Variants in MAST4 observed in about 807,000 individuals in gnomAD.
MAST4 encodes the protein microtubule associated serine/threonine kinase family member 4.
MAST4 carries 89 observed loss-of-function variants against 162.7 expected under a neutral mutation model. The observed-to-expected ratio is 0.55, with a 90% CI of 0.46 to 0.65. The LOEUF (loss-of-function observed/expected upper bound fraction) is 0.65, where lower values mean the gene tolerates loss of function less well. Ranked by LOEUF, MAST4 falls within the 30% of genes least tolerant of loss-of-function variation. The pLI, the probability that MAST4 is intolerant of heterozygous loss-of-function variation, is 0.00. For synonymous variants in MAST4, 1,479 were observed against 1,361.1 expected, an observed-to-expected ratio of 1.09 and a Z score of -1.91; for missense variants, 3,153 against 3,374.0, an observed-to-expected ratio of 0.93 and a Z score of 1.62.
intron 3 of MAST4, among the ~76,000 whole-genome samples, chr5:66,802,951 C>T (rs1425115127): frequency 6.6e-6 from 1 of 152,102 alleles, no homozygotes; most frequent in Non-Finnish European, 1.5e-5. Flanking sequence ...CTTTGCTTTG[C>T]TTTATTAACT....
chr5:67,076,817 A>G (rs1413935892), intron 5 of MAST4, among the ~76,000 whole-genome samples: 1 of 152,200 alleles, frequency 6.6e-6, no homozygotes, highest in Non-Finnish European at 1.5e-5. Flanking sequence ...TATAGTGGTT[A>G]TTAAAGTGAT....
chr5:66,935,632 T>C (rs1159945853), intron 4 of MAST4, among the ~76,000 whole-genome samples: 1 of 152,040 alleles, frequency 6.6e-6, no homozygotes, highest in Non-Finnish European at 1.5e-5. Flanking sequence ...TCCTCAGTTG[T>C]CAGATGCTTC....
intron 4 of MAST4, among the ~76,000 whole-genome samples, chr5:66,921,933 T>C (rs1764566678): frequency 6.6e-6 from 1 of 152,194 alleles, no homozygotes. Context: ...TTCATGTATT[T>C]GGTAAGATGG....
At chr5:67,054,173 T>C (rs1758519733) in intron 4 of MAST4, among the ~76,000 whole-genome samples, 1 of 152,226 alleles carries the variant, frequency 6.6e-6, no homozygotes, top group Non-Finnish European at 1.5e-5. Context: ...TGATTATTGC[T>C]CCACTGGTGG....
intron 26 of MAST4, among the ~76,000 whole-genome samples, chr5:67,156,829 G>A (rs560835153): frequency 2.6e-5 from 4 of 152,272 alleles, no homozygotes; most frequent in Admixed American, 6.5e-5. Flanking sequence ...GCAGTCGTTC[G>A]GTGAGTTACC....
At chr5:66,975,384 G>A (rs1298222549) in intron 4 of MAST4, among the ~76,000 whole-genome samples, 1 of 152,160 alleles carries the variant, frequency 6.6e-6, no homozygotes, top group Non-Finnish European at 1.5e-5. Context: ...GGACAGTGTG[G>A]TGAGCACTTT....
intron 4 of MAST4, among the ~76,000 whole-genome samples, chr5:67,044,239 G>T (rs1757104226): frequency 6.6e-6 from 1 of 152,088 alleles, no homozygotes; most frequent in African/African-American, 2.4e-5. Flanking sequence ...TCTTTGGGCT[G>T]TTGTACTAAT....
chr5:67,056,253 A>G (rs1232619141), intron 5 of MAST4, among the ~76,000 whole-genome samples: 1 of 152,052 alleles, frequency 6.6e-6, no homozygotes, highest in Non-Finnish European at 1.5e-5. Flanking sequence ...CATTACTTCT[A>G]TTACTACCAT....
intron 5 of MAST4, among the ~76,000 whole-genome samples, chr5:67,058,159 G>A (rs1759089463): frequency 6.6e-6 from 1 of 152,094 alleles, no homozygotes; most frequent in Non-Finnish European, 1.5e-5. Flanking sequence ...CGCCTGAGCT[G>A]GGGAGATCTA....
At chr5:66,783,290 A>C (rs983636761) in intron 2 of MAST4, 2 of 152,120 alleles carry the variant, frequency 1.3e-5, no homozygotes, top group African/African-American at 4.8e-5. Context: ...CTTATTTTTT[A>C]AGCTTATATT....
intron 5 of MAST4, among the ~76,000 whole-genome samples, chr5:67,072,258 G>A (rs937534710): frequency 1.3e-5 from 2 of 152,192 alleles, no homozygotes; most frequent in African/African-American, 2.4e-5. Flanking sequence ...TTCTAAGAGT[G>A]CTGATTAGTT....
Position 67,152,810 on chromosome 5 carries a change from G to A in MAST4, c.3469G>A (p.Ala1157Thr). Residue 1157 changes from alanine to threonine, a missense_variant, in exon 25 of 29, where the codon GCC (alanine) becomes ACC (threonine). Physicochemically the swap from Ala to Thr is moderately conservative, Grantham distance 58 (BLOSUM62 0). Coordinates refer to ENST00000403625, the MANE Select transcript of MAST4 (RefSeq NM_001164664.2). The stretch of plus-strand genomic sequence containing the variant: ...GAAGAACTACGGCTTTACCATCCGA[G>A]CCATCCGGGTGTATGTGGGAGACAG... Reference protein sequence around the residue: ...SGKNYGFTIRAIRVYVGDSDI... With the variant: ...SGKNYGFTIRTIRVYVGDSDI... The A allele has an allele frequency of 6.2e-7, 1 of 1,614,050 alleles. No homozygotes were observed. Among genetic ancestry groups the A allele is most frequent in the Non-Finnish European group, 8.5e-7 (1 of 1,179,886 alleles).
chr5:66,736,946 T>G (rs1346465529), intron 1 of MAST4, among the ~76,000 whole-genome samples: 1 of 152,208 alleles, frequency 6.6e-6, no homozygotes, highest in Non-Finnish European at 1.5e-5. Flanking sequence ...ATCCGAGTCA[T>G]ATGGGTTGGT....
chr5:66,778,818 A>G (rs2149654556), intron 2 of MAST4, among the ~76,000 whole-genome samples: 1 of 152,316 alleles, frequency 6.6e-6, no homozygotes, highest in African/African-American at 2.4e-5. Flanking sequence ...TTTCTGCTCC[A>G]TAGCCTCATG....
chr5:66,657,893 G>A (rs751432849), intron 1 of MAST4, among the ~76,000 whole-genome samples: 1 of 152,166 alleles, frequency 6.6e-6, no homozygotes, highest in African/African-American at 2.4e-5. Flanking sequence ...AAATAAATGA[G>A]GAAAGTAAAA....
chr5:66,779,495 T>C (rs1580430674), intron 2 of MAST4, among the ~76,000 whole-genome samples: 1 of 151,986 alleles, frequency 6.6e-6, no homozygotes, highest in South Asian at 2.1e-4. Flanking sequence ...TTTCTCAAAT[T>C]GTATCCATTT....
chr5:66,897,350 C>T (rs577960897), intron 3 of MAST4, among the ~76,000 whole-genome samples: 9 of 152,214 alleles, frequency 5.9e-5, no homozygotes, highest in African/African-American at 1.7e-4. Context: ...GACACATACA[C>T]GAAGTACTGC....
chr5:66,668,615 C>A (rs1747417151), intron 1 of MAST4, among the ~76,000 whole-genome samples: 1 of 152,164 alleles, frequency 6.6e-6, no homozygotes. Context: ...ATAGTACTAA[C>A]CCCACAAGGT....
At chr5:66,701,276 T>C (rs1481402763) in intron 1 of MAST4, among the ~76,000 whole-genome samples, 2 of 152,236 alleles carry the variant, frequency 1.3e-5, no homozygotes, top group Non-Finnish European at 2.9e-5. Context: ...ACTTGCTTTT[T>C]AATGAATTTA....
Sources: allele counts gnomAD v4.1 joint callset (sites outside exome capture counted in the v4.1 genomes callset), GRCh38; gene constraint gnomAD v4.1.1; transcripts MANE v1.5; gene names NCBI Gene and HGNC (gene_info 2026-07-23, HGNC 2026-07-21).